The following DIPK1C variants were observed in gnomAD, a reference collection of about 807,000 sequenced individuals.
DIPK1C encodes familial non-conventional Alzheimer's dementia.
In DIPK1C, 33 loss-of-function variants were observed where a neutral mutation model predicts 28.0. The ratio of observed to expected loss-of-function variants is 1.18; its 90% CI spans 0.89 to 1.58. DIPK1C has a LOEUF of 1.58. Among genes scored for constraint, DIPK1C ranks in the 40% most tolerant of loss-of-function variants. The probability of loss-of-function intolerance (pLI) is 0.00; values close to 1 mark genes in which losing one functional copy is unlikely to be tolerated. For synonymous variants in DIPK1C, 255 were observed against 248.8 expected (o/e 1.02, Z -0.23); for missense variants, 569 against 568.5 (o/e 1.00, Z -0.01).
upstream of DIPK1C, among the ~76,000 whole-genome samples, chr18:74,459,896 G>C (rs1347047989): frequency 1.3e-5 from 2 of 152,138 alleles, no homozygotes; most frequent in African/African-American, 4.8e-5. Flanking sequence ...TGCAGCGCCA[G>C]CCCAGGGTGG....
chr18:74,463,684 G>T, the DIPK1C span, among the ~76,000 whole-genome samples: 3 of 152,212 alleles, frequency 2.0e-5, no homozygotes, highest in South Asian at 2.1e-4. Context: ...AAAACATATC[G>T]TGCTGTTTGG....
At chr18:74,440,713 AG>A (rs1568261612) in intron 3 of DIPK1C, among the ~76,000 whole-genome samples, 2 of 152,236 alleles carry the variant, frequency 1.3e-5, no homozygotes, top group Non-Finnish European at 2.9e-5. Context: ...GTATAAACTC[AG>A]CCTCTCGTTA....
At chr18:74,449,169 G>A (rs1986341310) in intron 1 of DIPK1C, among the ~76,000 whole-genome samples, 1 of 152,030 alleles carries the variant, frequency 6.6e-6, no homozygotes, top group Admixed American at 6.6e-5. Context: ...TGACTCATTT[G>A]ACCTTATGTG....
intron 2 of DIPK1C, among the ~76,000 whole-genome samples, chr18:74,442,613 G>A (rs550351641): frequency 3.9e-5 from 6 of 152,340 alleles, no homozygotes; most frequent in South Asian, 4.1e-4. Flanking sequence ...ATAGGCATGA[G>A]CCACCGTGCC....
chr18:74,449,198 A>G (rs1986341942), intron 1 of DIPK1C, among the ~76,000 whole-genome samples: 1 of 152,226 alleles, frequency 6.6e-6, no homozygotes. Flanking sequence ...ACCCAGCTGA[A>G]AAGACACGAG....
upstream of DIPK1C, among the ~76,000 whole-genome samples, chr18:74,460,996 G>A (rs1030535328): frequency 6.6e-6 from 1 of 152,204 alleles, no homozygotes; most frequent in African/African-American, 2.4e-5. Flanking sequence ...CTTTGCCAGA[G>A]CCAGGGCTGC....
At position 74,447,608 on chromosome 18, in the gene DIPK1C, C is replaced by T. The variant is rs1407240639; in HGVS notation, c.199-325G>A. Among the ~76,000 whole-genome samples the T allele has an allele frequency of 1.3e-5, 2 of 152,174 alleles. No individual in the cohort carries two copies. The highest frequency in any genetic ancestry group is 6.5e-5 in the Admixed American group (1 of 15,284). ...GGAAAGCCAGAGGCCAGGAAACCAACAGGTGAAGGGGCTGGACCAGGCCAG... is the reference window on the plus strand; with the variant it reads ...GGAAAGCCAGAGGCCAGGAAACCAATAGGTGAAGGGGCTGGACCAGGCCAG... On this transcript the variant is annotated intron_variant, in intron 1 of 3. Coordinates refer to ENST00000343998, the MANE Select transcript of DIPK1C (RefSeq NM_001044369.3). This position sits in a 1 kb window ranked among gnomAD's most constrained non-coding sequence, Gnocchi z 4.1.
chr18:74,456,513 A>C (rs1986515980), intron 1 of DIPK1C, among the ~76,000 whole-genome samples: 2 of 152,146 alleles, frequency 1.3e-5, no homozygotes, highest in Admixed American at 6.5e-5. Context: ...GACCGCGGAG[A>C]GCCTGGGCTC....
chr18:74,463,135 A>C, the DIPK1C span, among the ~76,000 whole-genome samples: 1 of 152,182 alleles, frequency 6.6e-6, no homozygotes, highest in Non-Finnish European at 1.5e-5. Context: ...CAGCTCCCGG[A>C]GTACACATGA....
the DIPK1C span, among the ~76,000 whole-genome samples, chr18:74,463,057 G>T: frequency 6.6e-6 from 1 of 152,198 alleles, no homozygotes; most frequent in Non-Finnish European, 1.5e-5. Flanking sequence ...TTGTCATGGA[G>T]TTATCAGGGG....
chr18:74,442,072 C>G lies in DIPK1C; in HGVS notation c.921G>C (p.Met307Ile), dbSNP rs549223194. 4.1e-5 allele frequency: 66 copies of G among 1,614,150 alleles called. No homozygotes were observed. In the East Asian group the frequency reaches 1.3e-3, roughly 33 times the overall value. The change falls in exon 3 of 4, where the codon ATG becomes ATC. Residue 307 changes from methionine to isoleucine, a missense_variant. By Grantham distance (10) the Met-to-Ile change is conservative. Coordinates refer to ENST00000343998, the MANE Select transcript of DIPK1C (RefSeq NM_001044369.3). ...DVDMAFFEPK[M>I]REILEQNCTG... The stretch of plus-strand genomic sequence containing the variant: ...TGCAGTTTTGCTCAAGGATTTCCCT[C>G]ATTTTAGGTTCAAAAAAGGCCATGT...
Position 74,436,596 on chromosome 18 carries a change from T to C in DIPK1C, c.1165A>G (p.Ser389Gly). Residue 389 changes from serine (S) to glycine (G), a missense_variant, in exon 4 of 4, where the codon AGT becomes GGT. Physicochemically the swap from Ser to Gly is moderately conservative, Grantham distance 56 (BLOSUM62 0). Transcript: ENST00000343998. ...VQECADPGVP[S>G]GNTRRAASSV... is the part of the protein sequence containing the mutation. ...GAGGCTGCTCTCCGGGTGTTCCCACTGGGGACCCCAGGGTCTGCACATTCC... is the reference window on the plus strand; with the variant it reads ...GAGGCTGCTCTCCGGGTGTTCCCACCGGGGACCCCAGGGTCTGCACATTCC... 2 of 1,613,138 alleles carry C rather than the reference T, an allele frequency of 1.2e-6. No individual in the cohort carries two copies. Among genetic ancestry groups the C allele is most frequent in the South Asian group, 1.1e-5 (1 of 90,970 alleles).
intron 2 of DIPK1C, among the ~76,000 whole-genome samples, chr18:74,442,351 C>T (rs891516854): frequency 1.1e-4 from 17 of 151,822 alleles, no homozygotes; most frequent in East Asian, 7.7e-4. Context: ...TTAATTGAGA[C>T]GGAGTCTCAC....
chr18:74,463,840 C>T, the DIPK1C span, among the ~76,000 whole-genome samples: 1 of 152,220 alleles, frequency 6.6e-6, no homozygotes, highest in Non-Finnish European at 1.5e-5. Flanking sequence ...CTGACCTGCT[C>T]GCCTGACACG....
chr18:74,459,818 G>A (rs149643533), upstream of DIPK1C, among the ~76,000 whole-genome samples: 57 of 152,220 alleles, frequency 3.7e-4, no homozygotes, highest in African/African-American at 1.1e-3. Context: ...CTTGTCCTGC[G>A]CCTCTTCCCC....
chr18:74,457,192 C>T lies in DIPK1C; in HGVS notation c.68G>A (p.Gly23Asp), dbSNP rs1986535796. 14 of 1,226,546 alleles carry T rather than the reference C, an allele frequency of 1.1e-5. No individual in the cohort carries two copies. Among genetic ancestry groups the T allele is most frequent in the Non-Finnish European group, 1.4e-5 (14 of 985,496 alleles). The allele number at this position is 1,226,546 out of a possible 1,614,324, so 76.0% of individuals were successfully genotyped here. The change falls in exon 1 of 4, where the codon GGC becomes GAC. Residue 23 changes from glycine to aspartate, a missense_variant. By Grantham distance (94) the Gly-to-Asp change is moderately conservative (BLOSUM62 -1). Transcript: ENST00000343998. The part of the protein sequence containing the change: ...WCRRRGRCGR[G>D]TLLAFAAWTA... ...CCACGCGGCGAAGGCGAGGAGCGTG[C>T]CCCGCCCGCAGCGCCCGCGCCTCCT... is the stretch of plus-strand genomic sequence containing the variant.
At chr18:74,462,509 T>C (rs972312743), upstream of DIPK1C, among the ~76,000 whole-genome samples, 5 of 152,234 alleles carry the variant, frequency 3.3e-5, no homozygotes, top group Admixed American at 3.3e-4. Context: ...GAATTGTTTC[T>C]ACTTTTTGGC....
chr18:74,434,845 A>G lies in DIPK1C; in HGVS notation c.*1656T>C, dbSNP rs761905270. ...TGACATGGGTTTTTTCCTTCTTGCTAGAATACAATTGCAAAGCGAGTCTTC... is the reference window on the plus strand; with the variant it reads ...TGACATGGGTTTTTTCCTTCTTGCTGGAATACAATTGCAAAGCGAGTCTTC... On this transcript the variant is annotated 3_prime_UTR_variant, in exon 4 of 4. Coordinates refer to ENST00000343998, the MANE Select transcript of DIPK1C (RefSeq NM_001044369.3). 12 of 152,248 alleles carry G rather than the reference A, an allele frequency of 7.9e-5. No individual in the cohort carries two copies. The highest frequency in any genetic ancestry group is 1.3e-4 in the Non-Finnish European group (9 of 68,076). 9.4% of individuals were successfully genotyped at this position (152,248 alleles called of 1,614,324 possible). A position where few individuals can be genotyped will look rare whatever the true frequency, so the allele number is the denominator to read the frequency against.
intron 2 of DIPK1C, among the ~76,000 whole-genome samples, chr18:74,443,798 T>C (rs1986197408): frequency 6.6e-6 from 1 of 152,142 alleles, no homozygotes; most frequent in African/African-American, 2.4e-5. Flanking sequence ...ATCTCCCATC[T>C]TTATAATTCA....
Sources: allele counts gnomAD v4.1 joint callset (sites outside exome capture counted in the v4.1 genomes callset), GRCh38; gene constraint gnomAD v4.1.1; non-coding constraint Gnocchi (gnomAD v3.1); transcripts MANE v1.5; gene names NCBI Gene and HGNC (gene_info 2026-07-23, HGNC 2026-07-21).